The following RBFOX1 variants were observed in gnomAD, a reference collection of about 807,000 sequenced individuals.
The protein encoded by RBFOX1 is RNA binding protein fox-1 homolog 1.
A neutral mutation model predicts 57.7 loss-of-function variants in RBFOX1; 8 were observed. The observed-to-expected ratio is 0.14, with a 90% CI of 0.08 to 0.25. RBFOX1 has a LOEUF of 0.25. Ranked by LOEUF, RBFOX1 falls within the 10% of genes least tolerant of loss-of-function variation. The pLI is 1.00. For missense variants in RBFOX1, 611 were observed against 548.5 expected, an observed-to-expected ratio of 1.11 and a Z score of -1.14; for synonymous variants, 326 against 222.4, an observed-to-expected ratio of 1.47 and a Z score of -4.15.
chr16:6,417,494 A>G (rs2093656900), intron 2 of RBFOX1, among the ~76,000 whole-genome samples: 1 of 148,310 alleles, frequency 6.7e-6, no homozygotes, highest in African/African-American at 2.5e-5. Context: ...AGTTCAAGCA[A>G]TTCTCCTGCC....
In RBFOX1 at chr16:6,227,801, T is replaced by C. The variant is rs556440460; in HGVS notation, c.-126-89194T>C. On this transcript the variant is annotated intron_variant, in intron 1 of 15. Transcript: ENST00000550418. Reference sequence around the variant, plus strand: ...TGTGGTTACTAACTATAGAAATCCTTAACTGAATTATTTCTCTCAGGTACA... The same window carrying C: ...TGTGGTTACTAACTATAGAAATCCTCAACTGAATTATTTCTCTCAGGTACA... Among the ~76,000 whole-genome samples, 7 of 152,326 alleles carry C rather than the reference T, an allele frequency of 4.6e-5. No homozygotes were observed. The South Asian group carries it at 6.2e-4, about 14-fold the overall frequency.
chr16:7,564,692 C>A (rs1272702858), intron 5 of RBFOX1, among the ~76,000 whole-genome samples: 6 of 152,138 alleles, frequency 3.9e-5, no homozygotes, highest in African/African-American at 1.4e-4. Flanking sequence ...ACCACCCAGC[C>A]TGTGGTATTT....
At chr16:7,479,594 A>G (rs1405199360) in intron 4 of RBFOX1, among the ~76,000 whole-genome samples, 3 of 152,166 alleles carry the variant, frequency 2.0e-5, no homozygotes, top group East Asian at 1.9e-4. Flanking sequence ...AGCATGAAAC[A>G]GGTACTGTGC....
Position 6,655,417 on chromosome 16 carries a change from A to G in RBFOX1, c.-16+767A>G, listed in dbSNP as rs184962474. ...AAAAAAAAAAAAGAGCTCGCGCTCA[A>G]TTTCCATCACAACACATCAACACAT... On this transcript the variant is annotated intron_variant, in intron 3 of 15. Coordinates refer to ENST00000550418, the MANE Select transcript of RBFOX1 (RefSeq NM_018723.4). 3.2e-3 allele frequency among the ~76,000 whole-genome samples: 434 copies of G among 136,904 alleles called. 5 individuals carry two copies. Among genetic ancestry groups the G allele is most frequent in the African/African-American group, 0.01 (373 of 36,370 alleles). 89.8% of individuals were successfully genotyped at this position (136,904 alleles called of 152,430 possible).
intron 3 of RBFOX1, among the ~76,000 whole-genome samples, chr16:6,898,143 A>G (rs192060430): frequency 1.2e-3 from 185 of 152,324 alleles, no homozygotes; most frequent in Non-Finnish European, 2.1e-3. Context: ...TATTTTGCCA[A>G]ATCATGCATC....
At chr16:7,260,381 G>A (rs935487357) in intron 4 of RBFOX1, among the ~76,000 whole-genome samples, 6 of 152,060 alleles carry the variant, frequency 3.9e-5, no homozygotes, top group Non-Finnish European at 8.8e-5. Flanking sequence ...AATTAAGCAA[G>A]AAAATGAAAG....
At chr16:7,395,352 T>C (rs897104026) in intron 4 of RBFOX1, among the ~76,000 whole-genome samples, 1 of 152,254 alleles carries the variant, frequency 6.6e-6, no homozygotes, top group African/African-American at 2.4e-5. Flanking sequence ...TGATTGAAAT[T>C]ATTTCTTACT....
chr16:5,924,695 C>T (rs959912166), intron 4 of RBFOX1, among the ~76,000 whole-genome samples: 1 of 152,154 alleles, frequency 6.6e-6, no homozygotes, highest in Non-Finnish European at 1.5e-5. Context: ...AATTACCCAG[C>T]CTATGTATTC....
At chr16:5,456,110 T>C (rs2151582063) in intron 1 of RBFOX1, among the ~76,000 whole-genome samples, 1 of 152,196 alleles carries the variant, frequency 6.6e-6, no homozygotes, top group South Asian at 2.1e-4. Context: ...TATATCATTT[T>C]TTTAAAAAAA....
At chr16:6,395,018 A>G (rs1472902716) in intron 2 of RBFOX1, among the ~76,000 whole-genome samples, 1 of 152,200 alleles carries the variant, frequency 6.6e-6, no homozygotes, top group South Asian at 2.1e-4. Context: ...GGGAAATTAA[A>G]TGGCTGGCCA....
chr16:7,141,570 G>A (rs1158836080), intron 4 of RBFOX1, among the ~76,000 whole-genome samples: 5 of 152,168 alleles, frequency 3.3e-5, no homozygotes, highest in Admixed American at 6.5e-5. Context: ...GGAAGGTGGG[G>A]CCATTTATGG....
intron 4 of RBFOX1, among the ~76,000 whole-genome samples, chr16:7,137,551 C>CTG (rs1276872052): frequency 2.0e-5 from 3 of 152,298 alleles, no homozygotes; most frequent in African/African-American, 7.2e-5. Context: ...CCACGTGGAA[C>CTG]TGTGAGTCCA....
At chr16:7,188,319 A>G (rs764516486) in intron 4 of RBFOX1, among the ~76,000 whole-genome samples, 12 of 152,232 alleles carry the variant, frequency 7.9e-5, no homozygotes, top group Admixed American at 5.2e-4. Flanking sequence ...ACATCTTCCT[A>G]TATTTCCTTT....
At chr16:6,336,756 A>G (rs776307499) in intron 2 of RBFOX1, among the ~76,000 whole-genome samples, 36 of 152,312 alleles carry the variant, frequency 2.4e-4, no homozygotes, top group Non-Finnish European at 4.9e-4. Flanking sequence ...CAGGCTATGC[A>G]GTGGGAAAGT....
At chr16:5,355,654 A>C (rs2065369288) in intron 1 of RBFOX1, among the ~76,000 whole-genome samples, 1 of 152,218 alleles carries the variant, frequency 6.6e-6, no homozygotes, top group Non-Finnish European at 1.5e-5. Flanking sequence ...CGTCTCCTCC[A>C]AAATAGGTCC....
chr16:7,624,237 A>G (rs2059740638), intron 10 of RBFOX1, among the ~76,000 whole-genome samples: 1 of 152,228 alleles, frequency 6.6e-6, no homozygotes, highest in African/African-American at 2.4e-5. Flanking sequence ...TAGAATCAAA[A>G]CATTTCTAGC....
chr16:5,918,075 C>T (rs970143601), intron 4 of RBFOX1, among the ~76,000 whole-genome samples: 2 of 152,170 alleles, frequency 1.3e-5, no homozygotes, highest in African/African-American at 4.8e-5. Context: ...ACTCAGTCAG[C>T]AACAGCCTGC....
At chr16:5,634,206 G>T (rs1004597817) in intron 3 of RBFOX1, among the ~76,000 whole-genome samples, 1 of 152,330 alleles carries the variant, frequency 6.6e-6, no homozygotes, top group Admixed American at 6.5e-5. Flanking sequence ...TTGCAAATTT[G>T]ATATACCTGA....
chr16:5,670,553 C>T (rs1023406931), intron 3 of RBFOX1, among the ~76,000 whole-genome samples: 6 of 152,312 alleles, frequency 3.9e-5, no homozygotes, highest in South Asian at 4.1e-4. Flanking sequence ...CAAGTTTCTG[C>T]ACTGTGATAC....
Sources: gnomAD v4.1 joint callset for allele counts (sites outside exome capture counted in the v4.1 genomes callset) on GRCh38, gnomAD v4.1.1 for gene constraint, MANE v1.5 for transcripts, NCBI Gene and HGNC (gene_info 2026-07-23, HGNC 2026-07-21) for gene names.